The following RYR2 variants were observed in gnomAD, a reference collection of about 807,000 sequenced individuals.
The protein encoded by RYR2 is cardiac muscle ryanodine receptor-calcium release channel.
In RYR2, 227 loss-of-function variants were observed where a neutral mutation model predicts 601.1. The ratio of observed to expected loss-of-function variants is 0.38; its 90% confidence interval spans 0.34 to 0.42. The LOEUF is 0.42. Ranked by LOEUF, RYR2 falls within the 10% of genes least tolerant of loss-of-function variation. The pLI, the probability that RYR2 is intolerant of heterozygous loss-of-function variation, is 1.00. For synonymous variants in RYR2, 2,223 were observed against 2,175.1 expected, an observed-to-expected ratio of 1.02 and a Z score of -0.61; for missense variants, 4,646 against 6,156.5, an observed-to-expected ratio of 0.75 and a Z score of 8.21.
At chr1:237,110,106 GT>G (rs1023259757) in intron 1 of RYR2, among the ~76,000 whole-genome samples, 61 of 152,030 alleles carry the variant, frequency 4.0e-4, no homozygotes, top group African/African-American at 1.4e-3. Context: ...ATAGAGTTAA[GT>G]TTTCTCTACT....
At chr1:237,212,744 C>T (rs191858654) in intron 1 of RYR2, among the ~76,000 whole-genome samples, 196 of 152,124 alleles carry the variant, frequency 1.3e-3, no homozygotes, top group Middle Eastern at 3.4e-3. Context: ...AAATAATGCT[C>T]ATTTTCCTGC....
intron 48 of RYR2, 131 bp downstream of exon 48, chr1:237,643,578 T>G: frequency 1.1e-6 from 1 of 921,358 alleles, no homozygotes; most frequent in Non-Finnish European, 1.5e-6. Context: ...TAAATTAGTT[T>G]TTTTAAAAAA....
intron 80 of RYR2, among the ~76,000 whole-genome samples, chr1:237,743,406 A>G (rs1389331067): frequency 1.3e-5 from 2 of 152,200 alleles, no homozygotes; most frequent in African/African-American, 4.8e-5. Flanking sequence ...TATGATTTCT[A>G]TAATCTTTTC....
chr1:237,759,398 T>G (rs1441269149), intron 82 of RYR2, among the ~76,000 whole-genome samples: 1 of 152,212 alleles, frequency 6.6e-6, no homozygotes, highest in Non-Finnish European at 1.5e-5. Flanking sequence ...TAATGCTGTT[T>G]AATGACATCA....
intron 2 of RYR2, among the ~76,000 whole-genome samples, chr1:237,288,048 C>T (rs1691753622): frequency 6.6e-6 from 1 of 152,174 alleles, no homozygotes; most frequent in Non-Finnish European, 1.5e-5. Flanking sequence ...GATGTGGCTT[C>T]CTGTCAGCTG....
At chr1:237,371,221 T>C (rs1700618232) in intron 6 of RYR2, among the ~76,000 whole-genome samples, 1 of 152,126 alleles carries the variant, frequency 6.6e-6, no homozygotes, top group Non-Finnish European at 1.5e-5. Flanking sequence ...AGTGGTATGA[T>C]CATGGCTAAC....
Position 237,325,818 on chromosome 1 carries a change from A to G in RYR2, c.169-5060A>G, listed in dbSNP as rs575465415. On this transcript the variant is annotated intron_variant, in intron 2 of 104. Coordinates refer to ENST00000366574, the MANE Select transcript of RYR2 (RefSeq NM_001035.3). The stretch of plus-strand genomic sequence containing the variant: ...ATTTTCAGTTTTCCAGTGTTGTTTG[A>G]CGTCCCTACAAGGAGATGTTTTTAT... Among the ~76,000 whole-genome samples the G allele has an allele frequency of 2.0e-5, 3 of 152,288 alleles. No individual in the cohort carries two copies. The South Asian group carries it at 6.2e-4, about 32-fold the overall frequency.
At chr1:237,726,072 T>C (rs1690167790) in intron 74 of RYR2, among the ~76,000 whole-genome samples, 1 of 152,058 alleles carries the variant, frequency 6.6e-6, no homozygotes. Context: ...TGTTTATTGA[T>C]CATAGAGGGG....
At chr1:237,493,659 A>T (rs544966472) in intron 19 of RYR2, among the ~76,000 whole-genome samples, 1 of 152,036 alleles carries the variant, frequency 6.6e-6, no homozygotes, top group East Asian at 1.9e-4. Context: ...TCACCGTGTT[A>T]GCCAGGATGG....
chr1:237,501,030 G>T (rs776280614), intron 21 of RYR2, 127 bp downstream of exon 21: 6 of 892,300 alleles, frequency 6.7e-6, no homozygotes, highest in Non-Finnish European at 1.1e-5. Flanking sequence ...TGTCCTCTGC[G>T]CATTTTGCCT....
chr1:237,422,050 C>T (rs1392529963), intron 11 of RYR2, among the ~76,000 whole-genome samples: 1 of 152,022 alleles, frequency 6.6e-6, no homozygotes, highest in Non-Finnish European at 1.5e-5. Flanking sequence ...ATATATATGG[C>T]CTGTCCTCAC....
intron 25 of RYR2, among the ~76,000 whole-genome samples, chr1:237,540,207 A>T (rs1179098715): frequency 6.6e-6 from 1 of 152,102 alleles, no homozygotes; most frequent in Non-Finnish European, 1.5e-5. Context: ...ACGCAACTGA[A>T]AAACAATCCA....
intron 29 of RYR2, among the ~76,000 whole-genome samples, chr1:237,576,201 C>T (rs1339514856): frequency 2.0e-5 from 3 of 152,052 alleles, no homozygotes; most frequent in Admixed American, 6.6e-5. Context: ...AGCTTCAATC[C>T]GTCGATCAGA....
At chr1:237,671,401 T>C (rs2012813) in intron 58 of RYR2, among the ~76,000 whole-genome samples, 61,483 of 151,768 alleles carry the variant, frequency 0.41, 12,610 homozygotes, top group East Asian at 0.52. Context: ...AGGATCCTTA[T>C]AGCCAACAGT....
chr1:237,512,217 A>G (rs1665987636), intron 24 of RYR2, among the ~76,000 whole-genome samples: 1 of 152,196 alleles, frequency 6.6e-6, no homozygotes, highest in East Asian at 1.9e-4. Flanking sequence ...ACATATATTG[A>G]ATCTAATGAT....
chr1:237,284,603 C>T (rs567270957), intron 2 of RYR2, among the ~76,000 whole-genome samples: 1 of 105,740 alleles, frequency 9.5e-6, no homozygotes, highest in Non-Finnish European at 1.7e-5. Context: ...GACCCACACA[C>T]ACATACACAC....
At chr1:237,439,875 ATAAT>A (rs1707746334) in intron 12 of RYR2, among the ~76,000 whole-genome samples, 1 of 152,110 alleles carries the variant, frequency 6.6e-6, no homozygotes, top group African/African-American at 2.4e-5. Context: ...TTCTGAAGAG[ATAAT>A]TACAGTGTTC....
At chr1:237,239,574 G>A (rs1415966171) in intron 1 of RYR2, among the ~76,000 whole-genome samples, 2 of 152,134 alleles carry the variant, frequency 1.3e-5, no homozygotes, top group East Asian at 1.9e-4. Flanking sequence ...TGCACACGTG[G>A]CAACAAAGAA....
At chr1:237,756,074 A>G (rs1433852758) in intron 80 of RYR2, among the ~76,000 whole-genome samples, 4 of 150,240 alleles carry the variant, frequency 2.7e-5, no homozygotes, top group African/African-American at 9.9e-5. Context: ...CTGATAAACC[A>G]GTACCAAAAA....
Sources: allele counts gnomAD v4.1 joint callset (sites outside exome capture counted in the v4.1 genomes callset), GRCh38; gene constraint gnomAD v4.1.1; transcripts MANE v1.5; gene names NCBI Gene and HGNC (gene_info 2026-07-23, HGNC 2026-07-21).